IL21R: variants seen among roughly 807,000 people sequenced by gnomAD.
IL21R encodes the protein interleukin-21 receptor.
In IL21R, 14 loss-of-function variants were observed where a neutral mutation model predicts 41.3. That is an observed-to-expected ratio of 0.34 (90% confidence interval 0.22 to 0.53). The LOEUF (loss-of-function observed/expected upper bound fraction) is 0.53. IL21R is among the 20% of genes least tolerant of loss of function. The pLI, the probability that IL21R is intolerant of heterozygous loss-of-function variation, is 0.94. For missense variants in IL21R, 588 were observed against 681.6 expected (o/e 0.86, Z 1.53); for synonymous variants, 286 against 287.6 (o/e 0.99, Z 0.05).
rs772802651 is a variant in IL21R at position 27,451,679 on chromosome 16, G to A, written c.*2396G>A. On this transcript the variant is annotated 3_prime_UTR_variant, in exon 9 of 9. Coordinates refer to ENST00000337929, the MANE Select transcript of IL21R (RefSeq NM_181078.3). ...GGCTGCAGTGAGCTGTGATTACACC[G>A]TTGCACTCCAGCCTGGGTCACAGAT... 1.0e-4 allele frequency: 23 copies of A among 224,982 alleles called. No homozygotes were observed. The highest frequency in any genetic ancestry group is 1.7e-4 in the Admixed American group (3 of 17,506). The allele number at this position is 224,982 out of a possible 1,614,324, so 13.9% of individuals were successfully genotyped here. A position where few individuals can be genotyped will look rare whatever the true frequency, so the allele number is the denominator to read the frequency against.
intron 4 of IL21R, chr16:27,442,525 G>C (rs1052273767): frequency 6.6e-6 from 1 of 152,534 alleles, no homozygotes; most frequent in Non-Finnish European, 1.5e-5. Flanking sequence ...CACCACGCCC[G>C]GCTAATTTTT....
chr16:27,402,376 C>G lies in IL21R; in HGVS notation c.-259C>G, dbSNP rs969515942. The G allele has an allele frequency of 6.6e-6, 1 of 152,658 alleles. No individual in the cohort carries two copies. Among genetic ancestry groups the G allele is most frequent in the African/African-American group, 2.4e-5 (1 of 41,478 alleles). The allele number at this position is 152,658 out of a possible 1,614,324, so 9.5% of individuals were successfully genotyped here. A position where few individuals can be genotyped will look rare whatever the true frequency, so the allele number is the denominator to read the frequency against. On this transcript the variant is annotated 5_prime_UTR_variant, in exon 1 of 9. Transcript: ENST00000337929. ...TGGTACCTTCCTTGCCGTCTCTTTC[C>G]TCTGTCTGCTGCTCTGTGGGACACC...
intron 1 of IL21R, among the ~76,000 whole-genome samples, chr16:27,420,170 G>A (rs1221617946): frequency 1.3e-5 from 2 of 152,168 alleles, no homozygotes; most frequent in Non-Finnish European, 1.5e-5. Context: ...GATTACAGGC[G>A]TGAGCCACCG....
Position 27,449,456 on chromosome 16 carries a change from GCA to G in IL21R, c.*174_*175del, listed in dbSNP as rs1491231805. ...TGTGCATATGTGTGTGTGTGCATAT[GCA>G]TGTGTGTGTGTGTGTGTGTCTTAGG... On this transcript the variant is annotated 3_prime_UTR_variant, in exon 9 of 9. Coordinates refer to ENST00000337929, the MANE Select transcript of IL21R (RefSeq NM_181078.3). The G allele has an allele frequency of 3.0e-5, 19 of 642,792 alleles. No individual in the cohort carries two copies. Among genetic ancestry groups the G allele is most frequent in the African/African-American group, 2.6e-4 (13 of 49,780 alleles). 39.8% of individuals were successfully genotyped at this position (642,792 alleles called of 1,614,324 possible). A position where few individuals can be genotyped will look rare whatever the true frequency, so the allele number is the denominator to read the frequency against.
Position 27,405,961 on chromosome 16 carries a change from C to T in IL21R, c.-17+3343C>T, listed in dbSNP as rs8058451. Among the ~76,000 whole-genome samples, 1,197 of 152,384 alleles carry T rather than the reference C, an allele frequency of 7.9e-3. 10 individuals carry two copies. Among genetic ancestry groups the T allele is most frequent in the African/African-American group, 0.027 (1,125 of 41,598 alleles). On this transcript the variant is annotated intron_variant, in intron 1 of 8. Coordinates refer to ENST00000337929, the MANE Select transcript of IL21R (RefSeq NM_181078.3). ...CCCGACCCCTGCCCTGAATTGTCCC[C>T]GGGGAGTTGGGGCAAGTGCACCAGC...
chr16:27,444,664 C>T lies in IL21R; in HGVS notation c.630C>T (p.Tyr210=). The change falls in exon 6 of 9, where the codon TAC becomes TAT. Residue 210 remains tyrosine, a synonymous_variant. Coordinates refer to ENST00000337929, the MANE Select transcript of IL21R (RefSeq NM_181078.3). The part of the protein sequence containing the change: ...VRAGPMPGSS[Y]QGTWSEWSDP... Reference sequence around the variant, plus strand: ...CAGGGCCCATGCCTGGCTCCTCCTACCAGGGGACCTGGAGTGAATGGAGTG... The same window carrying T: ...CAGGGCCCATGCCTGGCTCCTCCTATCAGGGGACCTGGAGTGAATGGAGTG... 6.4e-7 allele frequency: 1 copy of T among 1,574,610 alleles called. No homozygotes were observed. The highest frequency in any genetic ancestry group is 8.6e-7 in the Non-Finnish European group (1 of 1,160,670).
intron 7 of IL21R, 26 bp from the exon 8 acceptor site, chr16:27,445,981 G>A (rs202174944): frequency 6.3e-7 from 1 of 1,595,728 alleles, no homozygotes; most frequent in Non-Finnish European, 8.6e-7. Flanking sequence ...TGATGTCAGG[G>A]TCCTCACCCC....
At chr16:27,407,508 G>A (rs2086766454) in intron 1 of IL21R, among the ~76,000 whole-genome samples, 1 of 152,142 alleles carries the variant, frequency 6.6e-6, no homozygotes, top group African/African-American at 2.4e-5. Context: ...CCCTGATGCA[G>A]GAAAAAAAGA....
chr16:27,451,100 G>A lies in IL21R; in HGVS notation c.*1817G>A. Reference sequence around the variant, plus strand: ...ATGGGAGCACAAGAGTGGAAACACAGCTTCTGCACGGAGCAGGCGCAGCCC... The same window carrying A: ...ATGGGAGCACAAGAGTGGAAACACAACTTCTGCACGGAGCAGGCGCAGCCC... On this transcript the variant is annotated 3_prime_UTR_variant, in exon 9 of 9. Coordinates refer to ENST00000337929, the MANE Select transcript of IL21R (RefSeq NM_181078.3). 1 of 233,236 alleles carries A rather than the reference G, an allele frequency of 4.3e-6. No homozygotes were observed. The highest frequency in any genetic ancestry group is 8.5e-6 in the Non-Finnish European group (1 of 118,022). The allele number at this position is 233,236 out of a possible 1,614,324, so 14.4% of individuals were successfully genotyped here. A position where few individuals can be genotyped will look rare whatever the true frequency, so the allele number is the denominator to read the frequency against.
At chr16:27,440,848 C>G (rs1186231886) in intron 4 of IL21R, among the ~76,000 whole-genome samples, 1 of 151,896 alleles carries the variant, frequency 6.6e-6, no homozygotes, top group Non-Finnish European at 1.5e-5. Context: ...GTCAGAAGAT[C>G]AAGACCAGTC....
At chr16:27,440,277 A>AGAGAGC (rs1320948814) in intron 4 of IL21R, among the ~76,000 whole-genome samples, 10 of 136,638 alleles carry the variant, frequency 7.3e-5, no homozygotes, top group Non-Finnish European at 9.3e-5. Context: ...AGAGAGAGAG[A>AGAGAGC]GAGCGAGCAA....
chr16:27,439,749 C>T (rs1393996429), intron 4 of IL21R, among the ~76,000 whole-genome samples: 3 of 152,196 alleles, frequency 2.0e-5, no homozygotes, highest in Non-Finnish European at 4.4e-5. Flanking sequence ...GCATTCCCTC[C>T]CTCCCTGCCA....
At chr16:27,422,738 A>G (rs377616887) in intron 1 of IL21R, among the ~76,000 whole-genome samples, 1 of 152,062 alleles carries the variant, frequency 6.6e-6, no homozygotes, top group East Asian at 1.9e-4. Flanking sequence ...TAACTTTTCT[A>G]TTGTCTATTT....
At chr16:27,404,246 G>A (rs771989217) in intron 1 of IL21R, among the ~76,000 whole-genome samples, 6 of 152,166 alleles carry the variant, frequency 3.9e-5, no homozygotes, top group Non-Finnish European at 5.9e-5. Flanking sequence ...CCACAGTGGA[G>A]GTAGCTAAAA....
At chr16:27,439,852 C>G (rs1198987057) in intron 4 of IL21R, among the ~76,000 whole-genome samples, 1 of 152,108 alleles carries the variant, frequency 6.6e-6, no homozygotes, top group Non-Finnish European at 1.5e-5. Flanking sequence ...GGCCCTGGGC[C>G]TCGCTGGGCT....
chr16:27,429,559 C>T (rs762836750), intron 1 of IL21R, among the ~76,000 whole-genome samples: 4 of 151,958 alleles, frequency 2.6e-5, no homozygotes, highest in Non-Finnish European at 5.9e-5. Context: ...ATCATGTGAT[C>T]CCAGGAGTTT....
At chr16:27,404,151 C>A (rs1275605679) in intron 1 of IL21R, among the ~76,000 whole-genome samples, 1 of 152,098 alleles carries the variant, frequency 6.6e-6, no homozygotes, top group Non-Finnish European at 1.5e-5. Flanking sequence ...AGAGGCCCTG[C>A]TCACCTGCTC....
At chr16:27,425,826 G>A (rs1276269778) in intron 1 of IL21R, among the ~76,000 whole-genome samples, 2 of 152,160 alleles carry the variant, frequency 1.3e-5, no homozygotes, top group Non-Finnish European at 2.9e-5. Context: ...AAAGTGCTGG[G>A]ATTACAGGCA....
chr16:27,434,183 C>G (rs1049902891), intron 2 of IL21R, among the ~76,000 whole-genome samples, 164 bp from the exon 3 acceptor site: 2 of 151,926 alleles, frequency 1.3e-5, no homozygotes, highest in African/African-American at 2.4e-5. Context: ...GGTGAGGCCC[C>G]CTGGGTGCCA....
Sources: gnomAD v4.1 joint callset for allele counts (sites outside exome capture counted in the v4.1 genomes callset) on GRCh38, gnomAD v4.1.1 for gene constraint, MANE v1.5 for transcripts, NCBI Gene and HGNC (gene_info 2026-07-23, HGNC 2026-07-21) for gene names.